The following DTNA variants were observed in gnomAD, a reference collection of about 807,000 sequenced individuals.
DTNA encodes the protein dystrophin-related protein 3.
In DTNA, 43 loss-of-function variants were observed where a neutral mutation model predicts 100.7. The observed-to-expected ratio is 0.43, with a 90% CI of 0.33 to 0.55. DTNA has a LOEUF of 0.55. Ranked by LOEUF, DTNA falls within the 20% of genes least tolerant of loss-of-function variation. The pLI is 0.04. For synonymous variants in DTNA, 349 were observed against 347.9 expected (o/e 1.00, Z -0.04); for missense variants, 798 against 953.9 (o/e 0.84, Z 2.15).
intron 1 of DTNA, among the ~76,000 whole-genome samples, chr18:34,547,079 A>G (rs1338815615): frequency 1.3e-5 from 2 of 152,114 alleles, no homozygotes; most frequent in East Asian, 3.9e-4. Flanking sequence ...AATAAGTGTA[A>G]TATAAGTTAC....
intron 14 of DTNA, among the ~76,000 whole-genome samples, chr18:34,850,034 A>G (rs918243148): frequency 6.6e-6 from 1 of 152,240 alleles, no homozygotes; most frequent in African/African-American, 2.4e-5. Context: ...CTTACACTAT[A>G]TATAATCTTT....
chr18:34,618,676 T>C (rs1196079865), intron 1 of DTNA, among the ~76,000 whole-genome samples: 1 of 152,206 alleles, frequency 6.6e-6, no homozygotes, highest in African/African-American at 2.4e-5. Flanking sequence ...CAAAACAATG[T>C]CATGTTGTGA....
At chr18:34,550,921 T>A (rs753703236) in intron 1 of DTNA, among the ~76,000 whole-genome samples, 6 of 152,204 alleles carry the variant, frequency 3.9e-5, no homozygotes, top group Non-Finnish European at 8.8e-5. Context: ...ACTATTCAGT[T>A]AATTGTACAG....
intron 4 of DTNA, among the ~76,000 whole-genome samples, chr18:34,805,179 T>C (rs1186348509): frequency 6.6e-6 from 1 of 152,228 alleles, no homozygotes; most frequent in Non-Finnish European, 1.5e-5. Context: ...TGATTCCAGC[T>C]GGAAAATCAT....
At chr18:34,720,094 G>A (rs906045283) in intron 1 of DTNA, among the ~76,000 whole-genome samples, 2 of 152,176 alleles carry the variant, frequency 1.3e-5, no homozygotes, top group Non-Finnish European at 2.9e-5. Context: ...AGCCAGAAAA[G>A]GGAATCAGGC....
intron 1 of DTNA, among the ~76,000 whole-genome samples, chr18:34,752,933 C>A (rs1291302484): frequency 6.6e-6 from 1 of 152,144 alleles, no homozygotes; most frequent in Non-Finnish European, 1.5e-5. Context: ...TAGTTTCTGT[C>A]ATTTCAAATA....
At chr18:34,645,038 G>A (rs907018080) in intron 1 of DTNA, among the ~76,000 whole-genome samples, 2 of 152,004 alleles carry the variant, frequency 1.3e-5, no homozygotes, top group Admixed American at 1.3e-4. Context: ...AATAATGATC[G>A]TAATGATCAC....
At chr18:34,508,442 G>A (rs1408433816) in intron 1 of DTNA, among the ~76,000 whole-genome samples, 2 of 151,984 alleles carry the variant, frequency 1.3e-5, no homozygotes, top group Non-Finnish European at 2.9e-5. Flanking sequence ...AGGACATCTT[G>A]GCTAAAAGCC....
intron 1 of DTNA, among the ~76,000 whole-genome samples, chr18:34,553,365 C>G (rs1443634872): frequency 2.6e-5 from 4 of 150,994 alleles, no homozygotes; most frequent in Non-Finnish European, 3.0e-5. Context: ...TTTTGCTGTG[C>G]AGAAGCTCTT....
In DTNA at chr18:34,775,249, G is replaced by A. The variant is rs553679742; in HGVS notation, c.148+9208G>A. Among the ~76,000 whole-genome samples the A allele has an allele frequency of 7.2e-5, 11 of 152,318 alleles. 1 individual carries two copies. In the South Asian group the frequency reaches 2.3e-3, roughly 32 times the overall value. ...TGCTTGTAATCCCAGCACTTTGGGA[G>A]GCCGAGGCGGGCGGATCACAAGGTC... On this transcript the variant is annotated intron_variant, in intron 3 of 22. Coordinates refer to ENST00000444659, the MANE Select transcript of DTNA (RefSeq NM_001386795.1).
rs146897515 is a variant in DTNA at position 34,505,216 on chromosome 18, A to G, written c.-2+11702A>G. ...GAGGCACCTGTATTCTTTGACTACA[A>G]TCCCTTCCTTGGATCACTCCAATTT... On this transcript the variant is annotated intron_variant, in intron 1 of 19. Coordinates refer to the DTNA transcript ENST00000283365. 7.2e-5 allele frequency among the ~76,000 whole-genome samples: 11 copies of G among 152,238 alleles called. No individual in the cohort carries two copies. In the East Asian group the frequency reaches 1.7e-3, roughly 24 times the overall value.
intron 7 of DTNA, among the ~76,000 whole-genome samples, chr18:34,817,626 G>T (rs1365352461): frequency 6.6e-6 from 1 of 152,114 alleles, no homozygotes; most frequent in Non-Finnish European, 1.5e-5. Flanking sequence ...CACTCGTTAA[G>T]TAAGCCATTA....
intron 1 of DTNA, among the ~76,000 whole-genome samples, chr18:34,686,224 A>G (rs1251720965): frequency 1.3e-5 from 2 of 152,172 alleles, no homozygotes; most frequent in African/African-American, 4.8e-5. Context: ...GCTGGTTTTC[A>G]AAGGGAATGC....
intron 1 of DTNA, among the ~76,000 whole-genome samples, chr18:34,693,974 A>G (rs1215300492): frequency 6.6e-6 from 1 of 152,184 alleles, no homozygotes; most frequent in African/African-American, 2.4e-5. Flanking sequence ...GAAAAGATAC[A>G]GGTATATGTC....
chr18:34,668,263 G>A (rs1409668885), intron 1 of DTNA, among the ~76,000 whole-genome samples: 1 of 152,122 alleles, frequency 6.6e-6, no homozygotes, highest in Non-Finnish European at 1.5e-5. Context: ...TGTGGGATTG[G>A]TGGTTATAAC....
At chr18:34,575,144 T>C (rs1426498975) in intron 1 of DTNA, among the ~76,000 whole-genome samples, 2 of 152,350 alleles carry the variant, frequency 1.3e-5, no homozygotes, top group East Asian at 3.9e-4. Context: ...GGTGAACTTC[T>C]TTTGAAGTTT....
At chr18:34,756,459 C>A (rs16965883) in intron 2 of DTNA, among the ~76,000 whole-genome samples, 5,023 of 152,204 alleles carry the variant, frequency 0.033, 259 homozygotes, top group African/African-American at 0.11. Context: ...TATTGACTTT[C>A]TTCCCTGCAA....
intron 3 of DTNA, among the ~76,000 whole-genome samples, chr18:34,769,109 G>C (rs1001794224): frequency 6.6e-6 from 1 of 152,152 alleles, no homozygotes; most frequent in South Asian, 2.1e-4. Context: ...AAAAAAACAA[G>C]CATATTTTGA....
chr18:34,603,172 C>T (rs1023090692), intron 1 of DTNA, among the ~76,000 whole-genome samples: 1 of 151,506 alleles, frequency 6.6e-6, no homozygotes, highest in African/African-American at 2.4e-5. Context: ...GTTTGTGCCA[C>T]TGCTCCCCAG....
Sources: allele counts gnomAD v4.1 joint callset (sites outside exome capture counted in the v4.1 genomes callset), GRCh38; gene constraint gnomAD v4.1.1; transcripts MANE v1.5; gene names NCBI Gene and HGNC (gene_info 2026-07-23, HGNC 2026-07-21).